ATAD1: variants seen among roughly 807,000 people sequenced by gnomAD.
The protein encoded by ATAD1 is ATPase family AAA domain containing 1, also known as outer mitochondrial transmembrane helix translocase.
In ATAD1, 18 loss-of-function variants were observed where a neutral mutation model predicts 42.7. That is an observed-to-expected ratio of 0.42 (90% CI 0.29 to 0.63). The LOEUF (loss-of-function observed/expected upper bound fraction) is 0.63, where lower values mean the gene tolerates loss of function less well. Among genes scored for constraint, ATAD1 ranks in the 20% least tolerant of loss-of-function variants. ATAD1 has a pLI of 0.19. For missense variants in ATAD1, 294 were observed against 440.4 expected (o/e 0.67, Z 2.98); for synonymous variants, 132 against 143.1 (o/e 0.92, Z 0.55).
At chr10:87,794,711 T>C (rs911357961) in intron 2 of ATAD1, among the ~76,000 whole-genome samples, 1 of 152,230 alleles carries the variant, frequency 6.6e-6, no homozygotes, top group African/African-American at 2.4e-5. Context: ...TTTTATTCCC[T>C]ATTAGCTAGT....
rs1855300074 is a variant in ATAD1 at position 87,776,285 on chromosome 10, A to AT, written c.690+35_690+36insA. 2.0e-6 allele frequency: 3 copies of AT among 1,528,162 alleles called. No homozygotes were observed. In the South Asian group the frequency reaches 3.5e-5, roughly 18 times the overall value. 94.7% of individuals were successfully genotyped at this position (1,528,162 alleles called of 1,614,324 possible). On this transcript the variant is annotated intron_variant, in intron 6 of 9. Transcript: ENST00000680024. Reference sequence around the variant, plus strand: ...CAAATTTTCTATTAAGAACAAAAAAACCAACACAAGTTGAGGGCAGATTTT... The same window carrying AT: ...CAAATTTTCTATTAAGAACAAAAAAATCCAACACAAGTTGAGGGCAGATTTT...
intron 1 of ATAD1, among the ~76,000 whole-genome samples, chr10:87,838,900 G>T (rs1001380342): frequency 6.6e-6 from 1 of 152,120 alleles, no homozygotes; most frequent in Non-Finnish European, 1.5e-5. Context: ...TGCTGTTTTC[G>T]CCATTCAGTC....
intron 1 of ATAD1, among the ~76,000 whole-genome samples, chr10:87,817,546 G>C (rs1316311059): frequency 6.6e-6 from 1 of 152,162 alleles, no homozygotes; most frequent in Non-Finnish European, 1.5e-5. Flanking sequence ...TCATAGCATA[G>C]CATTCACTGT....
At chr10:87,834,599 A>C (rs1401561052) in intron 1 of ATAD1, among the ~76,000 whole-genome samples, 2 of 152,132 alleles carry the variant, frequency 1.3e-5, no homozygotes, top group African/African-American at 4.8e-5. Flanking sequence ...TATTTTTAGA[A>C]TACCATTGCA....
intron 2 of ATAD1, among the ~76,000 whole-genome samples, chr10:87,811,334 A>AAAATAAATAAAT (rs71022509): frequency 0.037 from 5,584 of 149,652 alleles, 239 homozygotes; most frequent in African/African-American, 0.093. Context: ...CTCCAACTCA[A>AAAATAAATAAAT]AAATAAATAA....
At chr10:87,758,025 G>A (rs1854303108) in intron 8 of ATAD1, among the ~76,000 whole-genome samples, 1 of 152,062 alleles carries the variant, frequency 6.6e-6, no homozygotes, top group East Asian at 1.9e-4. Flanking sequence ...CAAAGCAAAT[G>A]GTAAATACAT....
chr10:87,806,906 C>T (rs543769118), intron 2 of ATAD1, among the ~76,000 whole-genome samples: 97 of 152,312 alleles, frequency 6.4e-4, no homozygotes, highest in Middle Eastern at 6.8e-3. Context: ...GCATAACAAA[C>T]TTTACCAACT....
intron 7 of ATAD1, among the ~76,000 whole-genome samples, chr10:87,770,470 C>T (rs893562656): frequency 2.6e-5 from 4 of 152,184 alleles, no homozygotes; most frequent in Non-Finnish European, 5.9e-5. Flanking sequence ...CGTTTGCATT[C>T]TTAAGGTAAA....
At chr10:87,766,610 A>G (rs1854762502) in intron 8 of ATAD1, among the ~76,000 whole-genome samples, 1 of 152,180 alleles carries the variant, frequency 6.6e-6, no homozygotes, top group Non-Finnish European at 1.5e-5. Context: ...TGGTGAAACC[A>G]TGGTAAAAAT....
intron 8 of ATAD1, among the ~76,000 whole-genome samples, chr10:87,758,410 TAAGC>T (rs1242192900): frequency 2.0e-5 from 3 of 151,816 alleles, no homozygotes; most frequent in Non-Finnish European, 4.4e-5. Context: ...TTGGGACAAA[TAAGC>T]AAAGAAAAAG....
At chr10:87,825,412 C>T (rs1257745866) in intron 1 of ATAD1, among the ~76,000 whole-genome samples, 1 of 151,606 alleles carries the variant, frequency 6.6e-6, no homozygotes, top group Non-Finnish European at 1.5e-5. Flanking sequence ...TAGGTTCACG[C>T]CATTCTCCTG....
At chr10:87,823,510 A>G (rs1448094717) in intron 1 of ATAD1, among the ~76,000 whole-genome samples, 1 of 152,204 alleles carries the variant, frequency 6.6e-6, no homozygotes, top group Non-Finnish European at 1.5e-5. Context: ...TGATCCCCCT[A>G]GGATTAAATT....
intron 6 of ATAD1, among the ~76,000 whole-genome samples, chr10:87,772,052 AT>A (rs1312463024): frequency 6.6e-6 from 1 of 152,208 alleles, no homozygotes; most frequent in Non-Finnish European, 1.5e-5. Flanking sequence ...ATTACTTTCA[AT>A]TAACTGTGAG....
At chr10:87,799,803 T>C (rs550435471) in intron 2 of ATAD1, among the ~76,000 whole-genome samples, 1 of 151,864 alleles carries the variant, frequency 6.6e-6, no homozygotes, top group Non-Finnish European at 1.5e-5. Flanking sequence ...TTAAAAAGTG[T>C]GTCCTTTTTA....
chr10:87,794,604 C>A (rs2131951887), intron 2 of ATAD1, among the ~76,000 whole-genome samples: 1 of 152,186 alleles, frequency 6.6e-6, no homozygotes, highest in African/African-American at 2.4e-5. Context: ...GTAGAGATGC[C>A]ACTGAACATT....
At chr10:87,773,143 C>G (rs1397258399) in intron 6 of ATAD1, among the ~76,000 whole-genome samples, 1 of 152,036 alleles carries the variant, frequency 6.6e-6, no homozygotes, top group African/African-American at 2.4e-5. Context: ...TGCACATATA[C>G]CCCTGAATTT....
At chr10:87,803,151 T>A (rs546204210) in intron 2 of ATAD1, among the ~76,000 whole-genome samples, 1 of 152,318 alleles carries the variant, frequency 6.6e-6, no homozygotes, top group East Asian at 1.9e-4. Flanking sequence ...GTTGTTTTTC[T>A]CCCTTCCTCC....
intron 2 of ATAD1, among the ~76,000 whole-genome samples, chr10:87,803,467 C>T (rs955396984): frequency 1.6e-4 from 25 of 152,226 alleles, no homozygotes; most frequent in Admixed American, 1.6e-3. Flanking sequence ...GAGATAAACG[C>T]GTATCTGCTT....
upstream of ATAD1, among the ~76,000 whole-genome samples, chr10:87,822,762 G>A (rs1015775539): frequency 2.0e-5 from 3 of 152,066 alleles, no homozygotes; most frequent in Non-Finnish European, 4.4e-5. Context: ...GTAATTTATT[G>A]TGCATTTTTA....
Sources: gnomAD v4.1 joint callset for allele counts (sites outside exome capture counted in the v4.1 genomes callset) on GRCh38, gnomAD v4.1.1 for gene constraint, MANE v1.5 for transcripts, NCBI Gene and HGNC (gene_info 2026-07-23, HGNC 2026-07-21) for gene names.